The following STX11 variants were observed in gnomAD, a reference collection of about 807,000 sequenced individuals.
STX11 encodes the protein syntaxin-11.
Under a neutral mutation model 19.9 loss-of-function variants are expected in STX11, and 21 were observed. That is an observed-to-expected ratio of 1.06 (90% CI 0.75 to 1.52). The LOEUF (loss-of-function observed/expected upper bound fraction) is 1.52, where lower values mean the gene tolerates loss of function less well. Among genes scored for constraint, STX11 ranks in the 40% most tolerant of loss-of-function variants. The probability of loss-of-function intolerance (pLI) is 0.00; values close to 1 mark genes in which losing one functional copy is unlikely to be tolerated. For missense variants in STX11, 438 were observed against 405.9 expected (o/e 1.08, Z -0.68); for synonymous variants, 193 against 174.4 (o/e 1.11, Z -0.84).
the STX11 span, among the ~76,000 whole-genome samples, chr6:144,143,704 C>T: frequency 6.6e-6 from 1 of 152,236 alleles, no homozygotes. Context: ...ATCAGACTCC[C>T]AAGTCAGAGA....
At chr6:144,147,838 C>T (rs1800904124), upstream of STX11, among the ~76,000 whole-genome samples, 2 of 152,070 alleles carry the variant, frequency 1.3e-5, no homozygotes, top group Non-Finnish European at 2.9e-5. The surrounding 1 kb of genome is among the most constrained non-coding windows in gnomAD (Gnocchi z 4.2). Context: ...CAGGGGAGGT[C>T]GAGGCTGCAG....
chr6:144,146,125 A>G (rs1290401464), upstream of STX11, among the ~76,000 whole-genome samples: 1 of 152,210 alleles, frequency 6.6e-6, no homozygotes, highest in Non-Finnish European at 1.5e-5. The surrounding 1 kb of genome is among the most constrained non-coding windows in gnomAD (Gnocchi z 4.4). Flanking sequence ...TGCACCTCAG[A>G]AGGGTGGCTG....
rs1802135004 is a variant in STX11 at position 144,188,724 on chromosome 6, C to CTTTTTT, written c.*1233_*1234insTTTTTT. On this transcript the variant is annotated 3_prime_UTR_variant, in exon 2 of 2. Coordinates refer to ENST00000367568, the MANE Select transcript of STX11 (RefSeq NM_003764.4). ...AATTATTGTTAAAATTTTTCTTTTT[C>CTTTTTT]CTTTTTTTTTTTTTTTTTTTGAGAT... is the stretch of plus-strand genomic sequence containing the variant. 7.4e-6 allele frequency among the ~76,000 whole-genome samples: 1 copy of CTTTTTT among 134,232 alleles called. No homozygotes were observed. The highest frequency in any genetic ancestry group is 1.5e-5 in the Non-Finnish European group (1 of 65,042). 88.1% of individuals were successfully genotyped at this position (134,232 alleles called of 152,430 possible).
In STX11 at chr6:144,151,415, A is replaced by C. The variant is rs1481211747; in HGVS notation, c.-6+712A>C. The C allele has an allele frequency of 2.0e-6, 2 of 985,302 alleles. No homozygotes were observed. The highest frequency in any genetic ancestry group is 1.2e-4 in the Admixed American group (2 of 16,274). 61.0% of individuals were successfully genotyped at this position (985,302 alleles called of 1,614,324 possible). A position where few individuals can be genotyped will look rare whatever the true frequency, so the allele number is the denominator to read the frequency against. On this transcript the variant is annotated intron_variant, in intron 1 of 1. Transcript: ENST00000367568. The surrounding 1 kb of genome is among the most constrained non-coding windows in gnomAD (Gnocchi z 4.6). ...GAGCTGTTATTTACAGGTATCCAAA[A>C]ATGAGTCACAGGGCTGCTCTCTTAA...
chr6:144,164,082 A>G (rs1801415637), intron 1 of STX11, among the ~76,000 whole-genome samples: 1 of 152,236 alleles, frequency 6.6e-6, no homozygotes, highest in Admixed American at 6.5e-5. Flanking sequence ...CATGCCTGGC[A>G]CATAAATACT....
In STX11 at chr6:144,151,220, T is replaced by C; in HGVS notation, c.-6+517T>C. 1 of 985,330 alleles carries C rather than the reference T, an allele frequency of 1.0e-6. No individual in the cohort carries two copies. Among genetic ancestry groups the C allele is most frequent in the East Asian group, 1.1e-4 (1 of 8,802 alleles). 61.0% of individuals were successfully genotyped at this position (985,330 alleles called of 1,614,324 possible). ...TCGAGGAGTCCCTTCGAAGCCCACG[T>C]AAGACTTTGTTTTAGAAACATGGAG... On this transcript the variant is annotated intron_variant, in intron 1 of 1. Coordinates refer to ENST00000367568, the MANE Select transcript of STX11 (RefSeq NM_003764.4). This position sits in a 1 kb window ranked among gnomAD's most constrained non-coding sequence, Gnocchi z 4.6.
At position 144,187,292 on chromosome 6, in the gene STX11, G is replaced by A; in HGVS notation, c.665G>A (p.Arg222His). The A allele has an allele frequency of 6.2e-7, 1 of 1,612,804 alleles. No individual in the cohort carries two copies. Among genetic ancestry groups the A allele is most frequent in the Non-Finnish European group, 8.5e-7 (1 of 1,179,964 alleles). Reference protein sequence around the residue: ...RELLRLESRIRDVHELFLQMA... With the variant: ...RELLRLESRIHDVHELFLQMA... ...CTGCTGCGCCTGGAGAGCCGCATCC[G>A]CGACGTACACGAGCTCTTCTTGCAG... The change falls in exon 2 of 2, where the codon CGC becomes CAC. Residue 222 changes from arginine (R) to histidine (H), a missense_variant. Coordinates refer to ENST00000367568, the MANE Select transcript of STX11 (RefSeq NM_003764.4). The surrounding 1 kb of genome is among the most constrained non-coding windows in gnomAD (Gnocchi z 5.6).
At chr6:144,171,502 T>C (rs1181487693) in intron 1 of STX11, among the ~76,000 whole-genome samples, 1 of 152,188 alleles carries the variant, frequency 6.6e-6, no homozygotes, top group Non-Finnish European at 1.5e-5. Context: ...TGTGATACAC[T>C]TCAAACTATC....
intron 1 of STX11, 75 bp downstream of exon 1, chr6:144,150,778 C>G (rs1584006610): frequency 4.4e-5 from 3 of 68,562 alleles, no homozygotes; most frequent in Non-Finnish European, 8.5e-5. Flanking sequence ...TCGGGGAGGG[C>G]GGGTCGGGGC....
At chr6:144,173,945 C>T (rs1488650142) in intron 1 of STX11, among the ~76,000 whole-genome samples, 1 of 152,238 alleles carries the variant, frequency 6.6e-6, no homozygotes, top group Non-Finnish European at 1.5e-5. Context: ...ATTTTTCTGT[C>T]ATTTAGCTTA....
chr6:144,183,002 G>C lies in STX11; in HGVS notation c.-5-3621G>C, dbSNP rs967173978. 1.3e-5 allele frequency among the ~76,000 whole-genome samples: 2 copies of C among 152,228 alleles called. No individual in the cohort carries two copies. Among genetic ancestry groups the C allele is most frequent in the Non-Finnish European group, 2.9e-5 (2 of 68,034 alleles). ...CCCAGGTAGCATAAAATGTTAACTT[G>C]ATTGCCATGCATAGACTTTTAAAAG... On this transcript the variant is annotated intron_variant, in intron 1 of 1. Transcript: ENST00000367568. The surrounding 1 kb of genome is among the most constrained non-coding windows in gnomAD (Gnocchi z 4.6).
rs942866792 is a variant in STX11, at chr6:144,167,455, A to G, written c.-6+16752A>G. On this transcript the variant is annotated intron_variant, in intron 1 of 1. Transcript: ENST00000367568. The surrounding 1 kb of genome is among the most constrained non-coding windows in gnomAD (Gnocchi z 5.0). ...AATTGTATACAATGTTTTTAATAAT[A>G]TTGTGCATGACAAAGTTTATGTACA... is the stretch of plus-strand genomic sequence containing the variant. 1.3e-4 allele frequency among the ~76,000 whole-genome samples: 20 copies of G among 152,214 alleles called. No individual in the cohort carries two copies. Among genetic ancestry groups the G allele is most frequent in the Non-Finnish European group, 2.6e-4 (18 of 68,048 alleles).
rs535861753 is a variant in STX11 at position 144,152,293 on chromosome 6, A to T, written c.-6+1590A>T. On this transcript the variant is annotated intron_variant, in intron 1 of 1. Coordinates refer to ENST00000367568, the MANE Select transcript of STX11 (RefSeq NM_003764.4). The surrounding 1 kb of genome is among the most constrained non-coding windows in gnomAD (Gnocchi z 4.9). ...AATATAATGAGATAGGTGCTAGGGT[A>T]AATCTATACCCAGAGAAAAGTTTCT... 6.6e-6 allele frequency among the ~76,000 whole-genome samples: 1 copy of T among 152,324 alleles called. No individual in the cohort carries two copies. The highest frequency in any genetic ancestry group is 1.9e-4 in the East Asian group (1 of 5,190).
In STX11 at chr6:144,170,010, T is replaced by C. The variant is rs1801587642; in HGVS notation, c.-5-16613T>C. ...TATTTTTTAACTTAACTTCTGTTCA[T>C]CATTTTCAGGATGGAACTTCAACAA... On this transcript the variant is annotated intron_variant, in intron 1 of 1. Coordinates refer to ENST00000367568, the MANE Select transcript of STX11 (RefSeq NM_003764.4). The surrounding 1 kb of genome is among the most constrained non-coding windows in gnomAD (Gnocchi z 4.7). Among the ~76,000 whole-genome samples, 1 of 152,214 alleles carries C rather than the reference T, an allele frequency of 6.6e-6. No homozygotes were observed. Among genetic ancestry groups the C allele is most frequent in the African/African-American group, 2.4e-5 (1 of 41,462 alleles).
rs143375467 is a variant in STX11, at chr6:144,178,355, T to C, written c.-5-8268T>C. 1.5e-4 allele frequency among the ~76,000 whole-genome samples: 23 copies of C among 152,342 alleles called. 1 individual carries two copies. The East Asian group carries it at 4.2e-3, about 28-fold the overall frequency. ...AGTACCGCATTTGGCATTTTACAAA[T>C]GCTTAATAAATGTTCACTGTAGAGC... On this transcript the variant is annotated intron_variant, in intron 1 of 1. Transcript: ENST00000367568.
chr6:144,189,378 G>A lies in STX11; in HGVS notation c.*1887G>A, dbSNP rs139613218. Among the ~76,000 whole-genome samples the A allele has an allele frequency of 1.1e-4, 16 of 152,236 alleles. No individual in the cohort carries two copies. Among genetic ancestry groups the A allele is most frequent in the African/African-American group, 3.4e-4 (14 of 41,548 alleles). On this transcript the variant is annotated 3_prime_UTR_variant, in exon 2 of 2. Coordinates refer to ENST00000367568, the MANE Select transcript of STX11 (RefSeq NM_003764.4). ...CACATCTGGATGGAACTGAGTGGAG[G>A]GGGAAAAGAATGAAAAACTCAAAAG...
the STX11 span, among the ~76,000 whole-genome samples, chr6:144,141,614 GA>G: frequency 6.6e-6 from 1 of 151,962 alleles, no homozygotes; most frequent in Non-Finnish European, 1.5e-5. Context: ...ATAACAAGAT[GA>G]AAAAAATCAT....
At chr6:144,140,571 A>G in the STX11 span, among the ~76,000 whole-genome samples, 1 of 151,792 alleles carries the variant, frequency 6.6e-6, no homozygotes, top group African/African-American at 2.4e-5. Context: ...ATCATTTGAA[A>G]CAACTTGTTT....
At position 144,183,769 on chromosome 6, in the gene STX11, G is replaced by T. The variant is rs949124636; in HGVS notation, c.-5-2854G>T. On this transcript the variant is annotated intron_variant, in intron 1 of 1. Transcript: ENST00000367568. This position sits in a 1 kb window ranked among gnomAD's most constrained non-coding sequence, Gnocchi z 4.6. ...GTTCCGGGGTACACGTGCAAGATGC[G>T]CAGGTTTGTTACAGAGGTAAACATG... Among the ~76,000 whole-genome samples the T allele has an allele frequency of 6.6e-6, 1 of 152,018 alleles. No homozygotes were observed. Among genetic ancestry groups the T allele is most frequent in the East Asian group, 1.9e-4 (1 of 5,198 alleles).
Sources: allele counts gnomAD v4.1 joint callset (sites outside exome capture counted in the v4.1 genomes callset), GRCh38; gene constraint gnomAD v4.1.1; non-coding constraint Gnocchi (gnomAD v3.1); transcripts MANE v1.5; gene names NCBI Gene and HGNC (gene_info 2026-07-23, HGNC 2026-07-21).